Variants in TENM2 observed in about 807,000 individuals in gnomAD.
The protein encoded by TENM2 is teneurin-2.
A neutral mutation model predicts 245.2 loss-of-function variants in TENM2; 52 were observed. The ratio of observed to expected loss-of-function variants is 0.21; its 90% CI spans 0.17 to 0.27. The LOEUF is 0.27. TENM2 is among the 10% of genes least tolerant of loss of function. The pLI, the probability that TENM2 is intolerant of heterozygous loss-of-function variation, is 1.00. For synonymous variants in TENM2, 1,363 were observed against 1,438.9 expected, an observed-to-expected ratio of 0.95 and a Z score of 1.19; for missense variants, 3,046 against 3,666.8, an observed-to-expected ratio of 0.83 and a Z score of 4.37.
chr5:167,283,496 C>T (rs1206648503), upstream of TENM2, among the ~76,000 whole-genome samples: 3 of 152,162 alleles, frequency 2.0e-5, no homozygotes, highest in Admixed American at 1.3e-4. Context: ...TACTTGGCTT[C>T]TGGTGTCTGC....
At chr5:167,454,440 C>T (rs1370051113) in intron 2 of TENM2, among the ~76,000 whole-genome samples, 2 of 122,938 alleles carry the variant, frequency 1.6e-5, no homozygotes, top group Non-Finnish European at 3.4e-5. Context: ...AAAATAATGG[C>T]ACTAGAAATA....
intron 24 of TENM2, among the ~76,000 whole-genome samples, chr5:168,226,592 C>T (rs1764211938): frequency 6.6e-6 from 1 of 152,184 alleles, no homozygotes; most frequent in African/African-American, 2.4e-5. Context: ...CCTCTCCCCA[C>T]CAACCCAAAA....
At chr5:167,489,054 G>A (rs1467463711) in intron 2 of TENM2, among the ~76,000 whole-genome samples, 2 of 152,048 alleles carry the variant, frequency 1.3e-5, no homozygotes, top group East Asian at 3.9e-4. Flanking sequence ...AACTCTGGTC[G>A]AAGCCACCAC....
Position 167,925,417 on chromosome 5 carries a change from A to G in TENM2, c.713-27171A>G, listed in dbSNP as rs573776114. On this transcript the variant is annotated intron_variant, in intron 3 of 28. Coordinates refer to ENST00000518659, the Ensembl canonical transcript of TENM2. ...GAGGGAACTTTCTGGAGTGGTGGAA[A>G]TATTCTCTATCCTGAGAAAGCCGAT... is the stretch of plus-strand genomic sequence containing the variant. 2.0e-5 allele frequency among the ~76,000 whole-genome samples: 3 copies of G among 152,322 alleles called. No homozygotes were observed. The South Asian group carries it at 6.2e-4, about 32-fold the overall frequency.
At chr5:168,155,010 C>G (rs1228521782) in intron 12 of TENM2, among the ~76,000 whole-genome samples, 1 of 152,172 alleles carries the variant, frequency 6.6e-6, no homozygotes, top group Non-Finnish European at 1.5e-5. Flanking sequence ...GAAACAGAGT[C>G]CCCGCACAGC....
chr5:168,154,209 A>G (rs969529769), intron 12 of TENM2, among the ~76,000 whole-genome samples: 2 of 150,846 alleles, frequency 1.3e-5, no homozygotes, highest in Admixed American at 6.6e-5. Flanking sequence ...AGTAAGATAC[A>G]TCTTCCTTTC....
At chr5:168,081,607 C>T (rs1324978678) in intron 7 of TENM2, among the ~76,000 whole-genome samples, 1 of 152,170 alleles carries the variant, frequency 6.6e-6, no homozygotes, top group Non-Finnish European at 1.5e-5. Flanking sequence ...CCTTCAGGAG[C>T]TCTTGTAAGG....
chr5:167,341,062 G>A (rs1267191696), intron 1 of TENM2, among the ~76,000 whole-genome samples: 1 of 152,094 alleles, frequency 6.6e-6, no homozygotes, highest in African/African-American at 2.4e-5. Context: ...ATTCGCATTC[G>A]ATGAGAGGCC....
At chr5:166,982,146 A>G in the TENM2 span, among the ~76,000 whole-genome samples, 1 of 152,108 alleles carries the variant, frequency 6.6e-6, no homozygotes, top group South Asian at 2.1e-4. Flanking sequence ...TCAGCATGGC[A>G]TTGGACTTAA....
chr5:167,275,051 G>T, the TENM2 span, among the ~76,000 whole-genome samples: 1 of 151,686 alleles, frequency 6.6e-6, no homozygotes, highest in Non-Finnish European at 1.5e-5. Context: ...CTAAATTAAG[G>T]AGTTTTTTGT....
At chr5:168,245,858 C>G (rs139554159) in intron 26 of TENM2, among the ~76,000 whole-genome samples, 60 of 152,238 alleles carry the variant, frequency 3.9e-4, no homozygotes, top group African/African-American at 1.3e-3. Flanking sequence ...CAGGAACCTC[C>G]CAATTGCCTC....
intron 13 of TENM2, among the ~76,000 whole-genome samples, chr5:168,173,765 C>T (rs1405439329): frequency 1.3e-5 from 2 of 152,174 alleles, no homozygotes; most frequent in Admixed American, 6.5e-5. Flanking sequence ...TGCAGAGCCA[C>T]ATTTTAAGGG....
intron 2 of TENM2, among the ~76,000 whole-genome samples, chr5:167,702,575 T>TATATATAC (rs1758233105): frequency 6.9e-6 from 1 of 145,218 alleles, no homozygotes; most frequent in African/African-American, 2.6e-5. Context: ...TATATATACA[T>TATATATAC]ATATATATAT....
intron 2 of TENM2, among the ~76,000 whole-genome samples, chr5:167,702,552 G>GTGTGTGTGTATATA (rs58351767): frequency 9.1e-4 from 124 of 136,758 alleles, no homozygotes; most frequent in African/African-American, 3.4e-3. Flanking sequence ...GTGTGTGTGT[G>GTGTGTGTGTATATA]TATATATATA....
At chr5:167,864,526 A>G (rs939857656) in intron 2 of TENM2, among the ~76,000 whole-genome samples, 1 of 152,242 alleles carries the variant, frequency 6.6e-6, no homozygotes, top group Non-Finnish European at 1.5e-5. Flanking sequence ...GAAAAGTTAG[A>G]TGACTTGCCC....
intron 10 of TENM2, among the ~76,000 whole-genome samples, chr5:168,122,520 C>T (rs530647585): frequency 6.6e-6 from 1 of 152,278 alleles, no homozygotes; most frequent in African/African-American, 2.4e-5. Flanking sequence ...CTCAAGTTTA[C>T]GTTCAGATGT....
intron 4 of TENM2, among the ~76,000 whole-genome samples, chr5:167,968,207 A>C (rs1361946716): frequency 1.3e-5 from 2 of 152,114 alleles, no homozygotes; most frequent in African/African-American, 4.8e-5. Flanking sequence ...TTCTTTCAAA[A>C]CCCACCAGAC....
At chr5:167,856,491 G>A (rs1358023729) in intron 2 of TENM2, among the ~76,000 whole-genome samples, 1 of 152,176 alleles carries the variant, frequency 6.6e-6, no homozygotes, top group African/African-American at 2.4e-5. Context: ...CTTCAACACA[G>A]TGACATGTTT....
intron 2 of TENM2, among the ~76,000 whole-genome samples, chr5:167,824,185 C>T (rs903715901): frequency 6.6e-6 from 1 of 152,166 alleles, no homozygotes; most frequent in Non-Finnish European, 1.5e-5. Context: ...CCAAGGAGGT[C>T]CCTTCACTTC....
Sources: gnomAD v4.1 joint callset for allele counts (sites outside exome capture counted in the v4.1 genomes callset) on GRCh38, gnomAD v4.1.1 for gene constraint, MANE v1.5 for transcripts, NCBI Gene and HGNC (gene_info 2026-07-23, HGNC 2026-07-21) for gene names.